SNAP91: variants seen among roughly 807,000 people sequenced by gnomAD.
SNAP91 encodes the protein synaptosome associated protein 91, also known as clathrin coat assembly protein AP180.
A neutral mutation model predicts 100.3 loss-of-function variants in SNAP91; 27 were observed. The observed-to-expected ratio is 0.27, with a 90% CI of 0.20 to 0.37. The LOEUF (loss-of-function observed/expected upper bound fraction) is 0.37, where lower values mean the gene tolerates loss of function less well. Ranked by LOEUF, SNAP91 falls within the 10% of genes least tolerant of loss-of-function variation. SNAP91 has a pLI of 1.00. For missense variants in SNAP91, 986 were observed against 1,123.7 expected, an observed-to-expected ratio of 0.88 and a Z score of 1.75; for synonymous variants, 404 against 398.6, an observed-to-expected ratio of 1.01 and a Z score of -0.16.
In SNAP91 at chr6:83,592,501, G is replaced by T; in HGVS notation, c.1884C>A (p.Ala628=). 1.9e-6 allele frequency: 3 copies of T among 1,611,378 alleles called. No individual in the cohort carries two copies. Among genetic ancestry groups the T allele is most frequent in the Non-Finnish European group, 2.5e-6 (3 of 1,178,812 alleles). The change falls in exon 21 of 30, where the codon GCC becomes GCA. Residue 628 remains alanine (A), a synonymous_variant. Coordinates refer to ENST00000369694, the MANE Select transcript of SNAP91 (RefSeq NM_001242792.2). The part of the protein sequence containing the change: ...AFAAPSPATT[A]SPAKVDSSGV... ...CTGAAGAATCCACCTTTGCTGGCGA[G>T]GCAGTGGTTGCAGGAGATGGTGCTG...
At chr6:83,587,952 T>C (rs1052614629) in intron 22 of SNAP91, among the ~76,000 whole-genome samples, 2 of 152,184 alleles carry the variant, frequency 1.3e-5, no homozygotes, top group Non-Finnish European at 2.9e-5. Context: ...AATTAAGCCC[T>C]ATGGAAATTA....
chr6:83,577,498 C>T (rs1820889110), intron 24 of SNAP91, among the ~76,000 whole-genome samples: 1 of 152,124 alleles, frequency 6.6e-6, no homozygotes, highest in Non-Finnish European at 1.5e-5. Context: ...GTGTACCTTA[C>T]ATATGTATAC....
chr6:83,580,553 A>C lies in SNAP91; in HGVS notation c.2196T>G (p.Ala732=), dbSNP rs751272941. 1.9e-6 allele frequency: 3 copies of C among 1,613,688 alleles called. No homozygotes were observed. In the South Asian group the frequency reaches 3.3e-5, roughly 18 times the overall value. The part of the protein sequence containing the change: ...GDLLMPTMAP[A]GQPAPVSMVP... ...CCATTGAGACAGGTGCAGGCTGCCCAGCTGGTGCCATGGTTGGCATCAAAA... is the reference window on the plus strand; with the variant it reads ...CCATTGAGACAGGTGCAGGCTGCCCCGCTGGTGCCATGGTTGGCATCAAAA... Residue 732 remains alanine, a synonymous_variant, in exon 24 of 30, where the codon GCT becomes GCG. Coordinates refer to ENST00000369694, the MANE Select transcript of SNAP91 (RefSeq NM_001242792.2).
intron 5 of SNAP91, 64 bp downstream of exon 5, chr6:83,661,438 A>G: frequency 2.0e-6 from 2 of 1,012,392 alleles, no homozygotes; most frequent in South Asian, 3.3e-5. Flanking sequence ...CTTAGTTAAA[A>G]TAAATCAAGT....
At chr6:83,701,280 T>C (rs373252171) in intron 2 of SNAP91, among the ~76,000 whole-genome samples, 2 of 151,948 alleles carry the variant, frequency 1.3e-5, no homozygotes, top group Non-Finnish European at 2.9e-5. Flanking sequence ...AAGATAGAGA[T>C]GACAGAGAGA....
At chr6:83,567,647 T>C (rs1043005496) in intron 26 of SNAP91, among the ~76,000 whole-genome samples, 8 of 151,808 alleles carry the variant, frequency 5.3e-5, no homozygotes, top group Admixed American at 1.3e-4. Flanking sequence ...CTCAAACAAA[T>C]TTACAAGAAA....
At chr6:83,608,911 A>C (rs2095817812) in intron 12 of SNAP91, among the ~76,000 whole-genome samples, 4 of 152,192 alleles carry the variant, frequency 2.6e-5, no homozygotes, top group Admixed American at 2.6e-4. Context: ...CAAAAATTCA[A>C]ATCTTCCAAA....
At chr6:83,688,901 C>T (rs2099096802) in intron 2 of SNAP91, among the ~76,000 whole-genome samples, 1 of 152,110 alleles carries the variant, frequency 6.6e-6, no homozygotes, top group African/African-American at 2.4e-5. Flanking sequence ...TATTAGTTTG[C>T]TTATATGTCT....
intron 8 of SNAP91, among the ~76,000 whole-genome samples, chr6:83,635,500 C>T (rs2097399999): frequency 6.6e-6 from 1 of 152,068 alleles, no homozygotes; most frequent in Non-Finnish European, 1.5e-5. Flanking sequence ...GATACAAGAG[C>T]AACAACCTCT....
chr6:83,615,693 A>G (rs778354728), intron 10 of SNAP91, among the ~76,000 whole-genome samples: 2 of 152,188 alleles, frequency 1.3e-5, no homozygotes, highest in Non-Finnish European at 2.9e-5. Flanking sequence ...ATACTCTTAT[A>G]CTGTTGCTTA....
chr6:83,684,920 C>A (rs2099040407), intron 2 of SNAP91, among the ~76,000 whole-genome samples: 1 of 152,154 alleles, frequency 6.6e-6, no homozygotes, highest in Non-Finnish European at 1.5e-5. Context: ...TGAGTTACAA[C>A]ACCAAGATCT....
intron 16 of SNAP91, 74 bp downstream of exon 16, chr6:83,601,197 A>G: frequency 6.7e-7 from 1 of 1,487,334 alleles, no homozygotes; most frequent in Non-Finnish European, 9.2e-7. Flanking sequence ...TAACGGAAAA[A>G]ATTTTAAAGA....
At chr6:83,628,941 G>A (rs1286147758) in intron 8 of SNAP91, among the ~76,000 whole-genome samples, 1 of 151,978 alleles carries the variant, frequency 6.6e-6, no homozygotes, top group Non-Finnish European at 1.5e-5. Context: ...CCTTGCCTAC[G>A]CCAATGTCTA....
intron 28 of SNAP91, 38 bp downstream of exon 28, chr6:83,560,066 G>T (rs1460367692): frequency 1.3e-6 from 2 of 1,503,964 alleles, no homozygotes; most frequent in Non-Finnish European, 1.9e-6. Context: ...ACACTTATTA[G>T]TTAATGTCAC....
intron 7 of SNAP91, among the ~76,000 whole-genome samples, chr6:83,647,220 A>G (rs1356559462): frequency 6.6e-6 from 1 of 152,082 alleles, no homozygotes; most frequent in African/African-American, 2.4e-5. Flanking sequence ...TAGAACTTCC[A>G]GTAGGATGGT....
intron 28 of SNAP91, 97 bp from the exon 29 acceptor site, chr6:83,556,342 G>GAGAGAGAGAGAGAGAGAGAGA (rs1778378852): frequency 5.1e-5 from 1 of 19,640 alleles, no homozygotes. Context: ...AGGGAGAGGG[G>GAGAGAGAGAGAGAGAGAGAGA]GAGAGAGAGA....
intron 8 of SNAP91, among the ~76,000 whole-genome samples, chr6:83,634,601 C>T (rs1482633543): frequency 6.6e-6 from 1 of 152,128 alleles, no homozygotes; most frequent in Non-Finnish European, 1.5e-5. Flanking sequence ...TCTAGTCCTG[C>T]CTCCCAGTCA....
At chr6:83,596,999 G>T (rs35651100) in intron 16 of SNAP91, among the ~76,000 whole-genome samples, 26,575 of 152,142 alleles carry the variant, frequency 0.17, 2,978 homozygotes, top group South Asian at 0.28. Context: ...TCACTTATGT[G>T]TAAGGAGATA....
intron 2 of SNAP91, among the ~76,000 whole-genome samples, chr6:83,701,745 G>T (rs2129051647): frequency 6.6e-6 from 1 of 152,320 alleles, no homozygotes; most frequent in East Asian, 1.9e-4. Context: ...ACAGCGCCTG[G>T]TGAAAATTCT....
Sources: gnomAD v4.1 joint callset for allele counts (sites outside exome capture counted in the v4.1 genomes callset) on GRCh38, gnomAD v4.1.1 for gene constraint, MANE v1.5 for transcripts, NCBI Gene and HGNC (gene_info 2026-07-23, HGNC 2026-07-21) for gene names.